CDKN2B-AS1: variants seen among roughly 807,000 people sequenced by gnomAD.
CDKN2B-AS1 encodes the protein CDKN2B and CDKN2A antisense cis and trans regulatory RNA 1, also known as CDKN2B antisense RNA 1 (non-protein coding).
intron 3 of CDKN2B-AS1, among the ~76,000 whole-genome samples, chr9:22,054,065 C>T (rs1823460533): frequency 6.6e-6 from 1 of 152,114 alleles, no homozygotes; most frequent in South Asian, 2.1e-4. Flanking sequence ...TAATAATAAC[C>T]TTAGCTAGCA....
chr9:22,034,645 A>C (rs921080417), intron 1 of CDKN2B-AS1, among the ~76,000 whole-genome samples: 3 of 152,150 alleles, frequency 2.0e-5, no homozygotes, highest in Non-Finnish European at 4.4e-5. Context: ...TCAATCTTCT[A>C]AAAATCCTTA....
intron 4 of CDKN2B-AS1, among the ~76,000 whole-genome samples, chr9:22,081,638 G>A (rs1325023800): frequency 6.6e-6 from 1 of 152,194 alleles, no homozygotes; most frequent in Non-Finnish European, 1.5e-5. Context: ...CATGATCAGT[G>A]AGCTGAAACT....
intron 4 of CDKN2B-AS1, among the ~76,000 whole-genome samples, chr9:22,085,161 T>C (rs1400613488): frequency 6.6e-6 from 1 of 152,230 alleles, no homozygotes; most frequent in Non-Finnish European, 1.5e-5. Context: ...AACTTCTTTA[T>C]ACATTTCCAA....
At position 21,999,911 on chromosome 9, in the gene CDKN2B-AS1, G is replaced by A. The variant is rs983016220; in HGVS notation, n.29+4750G>A. ...CATGTTTTCCAAATATGCATGCTGG[G>A]GGAGAGATGTTTGCAATTATATGTA... On this transcript the variant is annotated intron_variant and non_coding_transcript_variant, in intron 1 of 4. Transcript: ENST00000650946. This position sits in a 1 kb window ranked among gnomAD's most constrained non-coding sequence, Gnocchi z 4.7. Among the ~76,000 whole-genome samples, 2 of 152,150 alleles carry A rather than the reference G, an allele frequency of 1.3e-5. No homozygotes were observed. Among genetic ancestry groups the A allele is most frequent in the Non-Finnish European group, 2.9e-5 (2 of 68,008 alleles).
intron 4 of CDKN2B-AS1, among the ~76,000 whole-genome samples, chr9:22,114,092 A>T (rs1825873980): frequency 6.6e-6 from 1 of 152,314 alleles, no homozygotes; most frequent in South Asian, 2.1e-4. Context: ...AGATTCTCTA[A>T]TTGGCCTTTG....
intron 4 of CDKN2B-AS1, among the ~76,000 whole-genome samples, chr9:22,076,859 A>G (rs1260365412): frequency 6.6e-6 from 1 of 151,904 alleles, no homozygotes; most frequent in Non-Finnish European, 1.5e-5. Context: ...CATTTGGCTA[A>G]TTTTTGTAGA....
chr9:22,059,609 T>A (rs1823726415), intron 4 of CDKN2B-AS1, among the ~76,000 whole-genome samples: 1 of 152,134 alleles, frequency 6.6e-6, no homozygotes, highest in Admixed American at 6.5e-5. Context: ...CACTCTGGGG[T>A]CTGAAGGACG....
intron 4 of CDKN2B-AS1, among the ~76,000 whole-genome samples, chr9:22,106,800 A>G (rs1458235910): frequency 6.6e-6 from 1 of 152,152 alleles, no homozygotes; most frequent in African/African-American, 2.4e-5. Flanking sequence ...GTTACTGAAA[A>G]CTAAATACAG....
At chr9:22,108,894 G>C (rs1825730884) in intron 4 of CDKN2B-AS1, among the ~76,000 whole-genome samples, 1 of 151,966 alleles carries the variant, frequency 6.6e-6, no homozygotes. Context: ...TGTTACAAAG[G>C]CTACCAAACC....
Position 22,009,954 on chromosome 9 carries a change from C to T in CDKN2B-AS1, n.29+14793C>T, listed in dbSNP as rs553365225. ...CCCTTAAAAGAGAAAAAAACTAGTT[C>T]GAGATTGAGAGTGGCAACCTGGCAC... On this transcript the variant is annotated intron_variant and non_coding_transcript_variant, in intron 1 of 4. Coordinates refer to ENST00000650946, the Ensembl canonical transcript of CDKN2B-AS1. Among the ~76,000 whole-genome samples, 122 of 151,988 alleles carry T rather than the reference C, an allele frequency of 8.0e-4. 1 individual carries two copies. Among genetic ancestry groups the T allele is most frequent in the Non-Finnish European group, 6.9e-4 (47 of 67,974 alleles).
At chr9:22,009,916 A>C (rs185716975) in intron 1 of CDKN2B-AS1, among the ~76,000 whole-genome samples, 5 of 152,186 alleles carry the variant, frequency 3.3e-5, no homozygotes, top group African/African-American at 1.2e-4. Flanking sequence ...CCATTTTTGC[A>C]TTATGGATAC....
At chr9:22,118,194 G>A (rs1259172833) in intron 4 of CDKN2B-AS1, 1 of 152,136 alleles carries the variant, frequency 6.6e-6, no homozygotes, top group African/African-American at 2.4e-5. Flanking sequence ...GCACCACATA[G>A]TCACCTTCAA....
intron 4 of CDKN2B-AS1, among the ~76,000 whole-genome samples, chr9:22,096,105 C>G (rs1412605346): frequency 6.6e-6 from 1 of 152,070 alleles, no homozygotes; most frequent in Non-Finnish European, 1.5e-5. Context: ...GTAGGGAATT[C>G]TAATCAGAGG....
chr9:22,111,451 C>T (rs72654222), intron 4 of CDKN2B-AS1, among the ~76,000 whole-genome samples: 3,307 of 152,248 alleles, frequency 0.022, 62 homozygotes, highest in African/African-American at 0.046. Context: ...TCACCCAAAG[C>T]ACATATTATG....
In CDKN2B-AS1 at chr9:22,005,853, T is replaced by C. The variant is rs531705888; in HGVS notation, n.29+10692T>C. The C allele has an allele frequency of 2.3e-4, 286 of 1,236,832 alleles. 3 individuals carry two copies. In the South Asian group the frequency reaches 3.6e-3, roughly 15 times the overall value. 76.6% of individuals were successfully genotyped at this position (1,236,832 alleles called of 1,614,324 possible). A position where few individuals can be genotyped will look rare whatever the true frequency, so the allele number is the denominator to read the frequency against. On this transcript the variant is annotated intron_variant and non_coding_transcript_variant, in intron 1 of 4. Transcript: ENST00000650946. The surrounding 1 kb of genome is among the most constrained non-coding windows in gnomAD (Gnocchi z 4.9). ...ATTCCCGGTCGGCTCCTCCTTCCTG[T>C]GAGTCTCAGACAGGCTTGCAGGCTT...
chr9:22,051,133 C>A (rs983520336), intron 3 of CDKN2B-AS1, among the ~76,000 whole-genome samples: 16 of 152,140 alleles, frequency 1.1e-4, no homozygotes, highest in African/African-American at 3.9e-4. Context: ...CCTGTGCAGG[C>A]CTTCCTCTGG....
intron 4 of CDKN2B-AS1, among the ~76,000 whole-genome samples, chr9:22,088,582 C>T (rs557351631): frequency 3.3e-5 from 5 of 152,126 alleles, no homozygotes; most frequent in Non-Finnish European, 5.9e-5. Flanking sequence ...CTCCAAACTG[C>T]GGTTAAGTGC....
At position 22,006,026 on chromosome 9, in the gene CDKN2B-AS1, G is replaced by A. The variant is rs1419806460; in HGVS notation, n.29+10865G>A. 2.5e-6 allele frequency: 4 copies of A among 1,603,978 alleles called. No individual in the cohort carries two copies. Among genetic ancestry groups the A allele is most frequent in the Middle Eastern group, 1.7e-4 (1 of 5,848 alleles). On this transcript the variant is annotated intron_variant and non_coding_transcript_variant, in intron 1 of 4. Transcript: ENST00000650946. This position sits in a 1 kb window ranked among gnomAD's most constrained non-coding sequence, Gnocchi z 6.4. ...CTGTGCGCAGGTACCCTGCAACGTC[G>A]CGGTGGCCCCGCTCCTCGGCCAAGT...
intron 1 of CDKN2B-AS1, among the ~76,000 whole-genome samples, chr9:22,040,721 G>T (rs1040715402): frequency 2.0e-5 from 3 of 152,028 alleles, no homozygotes; most frequent in African/African-American, 7.2e-5. Flanking sequence ...TTTGTAGCTG[G>T]ATGTCTAACA....
Sources: gnomAD v4.1 joint callset for allele counts (sites outside exome capture counted in the v4.1 genomes callset) on GRCh38, gnomAD v4.1.1 for gene constraint, Gnocchi (gnomAD v3.1) non-coding constraint, MANE v1.5 for transcripts, NCBI Gene and HGNC (gene_info 2026-07-23, HGNC 2026-07-21) for gene names.